The following DYNAP variants were observed in gnomAD, a reference collection of about 807,000 sequenced individuals.
DYNAP encodes dynactin associated protein, also known as dynactin-associated protein.
A neutral mutation model predicts 8.5 loss-of-function variants in DYNAP; 7 were observed. The observed-to-expected ratio is 0.82, with a 90% CI of 0.47 to 1.54. DYNAP has a LOEUF of 1.54. Ranked by LOEUF, DYNAP falls within the 40% of genes most tolerant of loss-of-function variation. DYNAP has a pLI of 0.01. For synonymous variants in DYNAP, 77 were observed against 77.9 expected (o/e 0.99, Z 0.06); for missense variants, 256 against 224.3 (o/e 1.14, Z -0.90).
chr18:54,591,947 T>C lies in DYNAP; in HGVS notation c.57+608T>C, dbSNP rs1274793230. Among the ~76,000 whole-genome samples the C allele has an allele frequency of 3.9e-5, 6 of 152,140 alleles. No homozygotes were observed. In the East Asian group the frequency reaches 1.2e-3, roughly 29 times the overall value. Reference sequence around the variant, plus strand: ...TATCTATTTATATCCAACCAAATAATCTTTGACTTCAGAAAAGGAAGGACA... The same window carrying C: ...TATCTATTTATATCCAACCAAATAACCTTTGACTTCAGAAAAGGAAGGACA... On this transcript the variant is annotated intron_variant, in intron 1 of 2. Transcript: ENST00000648945.
At chr18:54,586,503 C>T (rs1219181637), upstream of DYNAP, among the ~76,000 whole-genome samples, 1 of 152,170 alleles carries the variant, frequency 6.6e-6, no homozygotes, top group Non-Finnish European at 1.5e-5. Flanking sequence ...GGCCATGCTT[C>T]CAGTAAATAT....
upstream of DYNAP, among the ~76,000 whole-genome samples, chr18:54,583,268 C>G (rs906496925): frequency 6.6e-6 from 1 of 152,080 alleles, no homozygotes; most frequent in African/African-American, 2.4e-5. Flanking sequence ...CCTGCAGCTC[C>G]CAAACCAGAG....
Position 54,594,982 on chromosome 18 carries a change from G to T in DYNAP, c.101G>T (p.Cys34Phe). The change falls in exon 2 of 3, where the codon TGC becomes TTC. Residue 34 changes from cysteine to phenylalanine, a missense_variant. Coordinates refer to ENST00000648945, the MANE Select transcript of DYNAP (RefSeq NM_173629.3). ...PNDQEAHSSI[C>F]WCLPSNDITS... ...GACCAAGAGGCTCACAGTTCCATATGCTGGTGTCTACCTTCAAATGATATA... is the reference window on the plus strand; with the variant it reads ...GACCAAGAGGCTCACAGTTCCATATTCTGGTGTCTACCTTCAAATGATATA... 2 of 1,612,608 alleles carry T rather than the reference G, an allele frequency of 1.2e-6. No individual in the cohort carries two copies. The highest frequency in any genetic ancestry group is 1.7e-6 in the Non-Finnish European group (2 of 1,179,120).
chr18:54,577,795 G>C, the DYNAP span, among the ~76,000 whole-genome samples: 1 of 150,682 alleles, frequency 6.6e-6, no homozygotes, highest in East Asian at 2.0e-4. Flanking sequence ...GGTGAAACCC[G>C]GTCTCTACTA....
At chr18:54,584,189 C>T (rs1156975357), upstream of DYNAP, among the ~76,000 whole-genome samples, 1 of 150,494 alleles carries the variant, frequency 6.6e-6, no homozygotes, top group Non-Finnish European at 1.5e-5. Flanking sequence ...AAAATACACA[C>T]CTGATGATAC....
the DYNAP span, among the ~76,000 whole-genome samples, chr18:54,580,124 G>A: frequency 6.6e-6 from 1 of 152,116 alleles, no homozygotes; most frequent in Admixed American, 6.5e-5. Context: ...TGATATTATT[G>A]ACTATTTTTG....
At chr18:54,579,685 C>A in the DYNAP span, among the ~76,000 whole-genome samples, 1 of 152,268 alleles carries the variant, frequency 6.6e-6, no homozygotes, top group East Asian at 1.9e-4. Context: ...AAAAATATTT[C>A]TGTCTCAAAA....
chr18:54,578,209 G>A, the DYNAP span, among the ~76,000 whole-genome samples: 4 of 152,280 alleles, frequency 2.6e-5, no homozygotes, highest in South Asian at 4.2e-4. Flanking sequence ...GAACTTTAGA[G>A]GAATGATGTC....
chr18:54,591,749 G>A (rs1389581565), intron 1 of DYNAP, among the ~76,000 whole-genome samples: 1 of 152,004 alleles, frequency 6.6e-6, no homozygotes, highest in African/African-American at 2.4e-5. Context: ...TGAAAAACCA[G>A]ATATTAATTC....
At chr18:54,586,565 C>T (rs1910887351), upstream of DYNAP, among the ~76,000 whole-genome samples, 1 of 152,094 alleles carries the variant, frequency 6.6e-6, no homozygotes, top group African/African-American at 2.4e-5. Context: ...TCTAAAGGTG[C>T]CAAAGTTGTA....
intron 1 of DYNAP, among the ~76,000 whole-genome samples, chr18:54,593,010 CA>C (rs1911141270): frequency 6.6e-6 from 1 of 152,034 alleles, no homozygotes. Context: ...GTTAAATAAG[CA>C]AGGGTATTAA....
upstream of DYNAP, chr18:54,587,708 T>C (rs111704733): frequency 1.9e-4 from 75 of 393,254 alleles, no homozygotes; most frequent in South Asian, 8.4e-4. Flanking sequence ...TCAGGGATTG[T>C]ATATCCATAT....
chr18:54,582,943 C>T (rs1232816731), upstream of DYNAP, among the ~76,000 whole-genome samples: 1 of 152,140 alleles, frequency 6.6e-6, no homozygotes, highest in Non-Finnish European at 1.5e-5. Context: ...TTCCAATTCA[C>T]AAACAAGTAC....
At chr18:54,589,196 A>G (rs1294243963), upstream of DYNAP, among the ~76,000 whole-genome samples, 1 of 152,176 alleles carries the variant, frequency 6.6e-6, no homozygotes, top group Non-Finnish European at 1.5e-5. Flanking sequence ...GGATGACTGA[A>G]AAACAGCCTC....
chr18:54,598,573 C>A lies in DYNAP; in HGVS notation c.*428C>A, dbSNP rs11875607. Reference sequence around the variant, plus strand: ...AAGGGGTATGGGGAGTCATGCCCTACAAACCATAAATTCTCATCAGATGGG... The same window carrying A: ...AAGGGGTATGGGGAGTCATGCCCTAAAAACCATAAATTCTCATCAGATGGG... On this transcript the variant is annotated 3_prime_UTR_variant, in exon 3 of 3. Transcript: ENST00000648945. 4,191 of 164,732 alleles carry A rather than the reference C, an allele frequency of 0.025. 106 individuals carry two copies. Among genetic ancestry groups the A allele is most frequent in the Admixed American group, 0.076 (1,318 of 17,254 alleles). The allele number at this position is 164,732 out of a possible 1,614,324, so 10.2% of individuals were successfully genotyped here.
At chr18:54,594,160 G>A (rs1317080978) in intron 1 of DYNAP, among the ~76,000 whole-genome samples, 6 of 151,798 alleles carry the variant, frequency 4.0e-5, no homozygotes, top group Non-Finnish European at 7.4e-5. Context: ...AACCTGTTTT[G>A]CCTCCCTGTT....
chr18:54,592,302 A>G (rs1453281512), intron 1 of DYNAP, among the ~76,000 whole-genome samples: 1 of 152,120 alleles, frequency 6.6e-6, no homozygotes, highest in Non-Finnish European at 1.5e-5. Flanking sequence ...TTGGTCAGGT[A>G]TGTATCATCT....
chr18:54,584,082 A>G (rs1035180393), upstream of DYNAP, among the ~76,000 whole-genome samples: 3 of 152,020 alleles, frequency 2.0e-5, no homozygotes, highest in African/African-American at 7.2e-5. Flanking sequence ...TAAAAATTTG[A>G]CAATACTAAG....
chr18:54,597,300 A>G (rs1452718806), intron 2 of DYNAP, among the ~76,000 whole-genome samples: 4 of 152,124 alleles, frequency 2.6e-5, no homozygotes, highest in Non-Finnish European at 5.9e-5. Context: ...ACTGCTCTGC[A>G]TGATACTGTA....
Sources: allele counts gnomAD v4.1 joint callset (sites outside exome capture counted in the v4.1 genomes callset), GRCh38; gene constraint gnomAD v4.1.1; transcripts MANE v1.5; gene names NCBI Gene and HGNC (gene_info 2026-07-23, HGNC 2026-07-21).